Variants in WDFY3 observed in about 807,000 individuals in gnomAD.
The protein encoded by WDFY3 is WD repeat and FYVE domain containing 3.
WDFY3 carries 66 observed loss-of-function variants against 409.6 expected under a neutral mutation model. The ratio of observed to expected loss-of-function variants is 0.16; its 90% CI spans 0.13 to 0.20. The LOEUF (loss-of-function observed/expected upper bound fraction) is 0.20. Ranked by LOEUF, WDFY3 falls within the 10% of genes least tolerant of loss-of-function variation. The pLI, the probability that WDFY3 is intolerant of heterozygous loss-of-function variation, is 1.00. For missense variants in WDFY3, 3,031 were observed against 4,298.1 expected (o/e 0.71, Z 8.24); for synonymous variants, 1,521 against 1,537.1 (o/e 0.99, Z 0.25).
chr4:84,912,072 G>A (rs186127536), intron 2 of WDFY3, among the ~76,000 whole-genome samples: 1 of 152,232 alleles, frequency 6.6e-6, no homozygotes, highest in Non-Finnish European at 1.5e-5. Context: ...GTTGTATATG[G>A]CAACAAAATG....
chr4:84,692,739 T>G (rs138036400), intron 59 of WDFY3, 146 bp downstream of exon 59: 5 of 689,234 alleles, frequency 7.3e-6, no homozygotes, highest in Non-Finnish European at 1.1e-5. Context: ...TAAATACTAG[T>G]AGGTATTTAG....
intron 1 of WDFY3, among the ~76,000 whole-genome samples, chr4:84,951,835 T>C (rs987810196): frequency 1.3e-5 from 2 of 152,148 alleles, no homozygotes; most frequent in Non-Finnish European, 2.9e-5. Context: ...TGGGTGTCAA[T>C]AAGCAGGGTA....
At chr4:84,921,890 C>G (rs746436821) in intron 2 of WDFY3, among the ~76,000 whole-genome samples, 2 of 151,772 alleles carry the variant, frequency 1.3e-5, no homozygotes, top group Non-Finnish European at 2.9e-5. Context: ...CTCCTGACCT[C>G]GTGATCCACC....
intron 47 of WDFY3, among the ~76,000 whole-genome samples, chr4:84,720,448 T>C (rs1734667785): frequency 6.6e-6 from 1 of 152,154 alleles, no homozygotes; most frequent in Non-Finnish European, 1.5e-5. Context: ...ACGGTTTGCA[T>C]ATGTGTCCCC....
chr4:84,925,910 T>G (rs1427616060), intron 2 of WDFY3, among the ~76,000 whole-genome samples: 4 of 152,024 alleles, frequency 2.6e-5, no homozygotes, highest in African/African-American at 9.7e-5. Flanking sequence ...GGTGTTTGGA[T>G]GTTCACTGTA....
chr4:84,692,192 T>C (rs1729376040), intron 59 of WDFY3, among the ~76,000 whole-genome samples: 1 of 152,156 alleles, frequency 6.6e-6, no homozygotes, highest in Non-Finnish European at 1.5e-5. Context: ...GTCATGTCAT[T>C]CCCCAGAGGA....
chr4:84,838,765 C>A (rs1037081549), intron 6 of WDFY3, among the ~76,000 whole-genome samples: 1 of 152,202 alleles, frequency 6.6e-6, no homozygotes, highest in African/African-American at 2.4e-5. Context: ...TCAGTTTAAA[C>A]ATCTGCTATG....
chr4:84,763,668 T>C (rs968250785), intron 32 of WDFY3, among the ~76,000 whole-genome samples: 4 of 151,770 alleles, frequency 2.6e-5, no homozygotes, highest in Non-Finnish European at 4.4e-5. Flanking sequence ...TGAGCTGATA[T>C]GTACACTTGT....
chr4:84,942,307 C>T (rs530579123), intron 1 of WDFY3, among the ~76,000 whole-genome samples: 1 of 151,368 alleles, frequency 6.6e-6, no homozygotes, highest in Non-Finnish European at 1.5e-5. Context: ...CAGACTGGAA[C>T]CCAAAATATA....
intron 15 of WDFY3, among the ~76,000 whole-genome samples, chr4:84,804,956 C>T (rs1055025011): frequency 2.0e-5 from 3 of 152,034 alleles, no homozygotes; most frequent in African/African-American, 7.3e-5. Context: ...GTTGAGTACC[C>T]CTAATCCAAA....
Position 84,918,828 on chromosome 4 carries a change from G to GATATAT in WDFY3, c.-132+13436_-132+13441dup, listed in dbSNP as rs139610468. On this transcript the variant is annotated intron_variant, in intron 2 of 67. Coordinates refer to ENST00000295888, the MANE Select transcript of WDFY3 (RefSeq NM_014991.6). ...TTGTGTGTGTGTGTATATATATATAGATATATATATACACACACACACATA... is the reference window on the plus strand; with the variant it reads ...TTGTGTGTGTGTGTATATATATATAGATATATATATATATATACACACACACACATA... 6.4e-4 allele frequency among the ~76,000 whole-genome samples: 93 copies of GATATAT among 145,556 alleles called. 3 individuals are homozygous for GATATAT. The South Asian group carries it at 0.013, about 21-fold the overall frequency.
At chr4:84,829,847 A>AAATAAATAAATAAATTAATT (rs567618032) in intron 8 of WDFY3, among the ~76,000 whole-genome samples, 2 of 150,530 alleles carry the variant, frequency 1.3e-5, no homozygotes, top group East Asian at 3.9e-4. Context: ...ATAAATAAAT[A>AAATAAATAAATAAATTAATT]AATTAGAGAG....
rs765525405 is a variant in WDFY3, at chr4:84,778,530, A to G, written c.4491T>C (p.Ala1497=). 6.2e-7 allele frequency: 1 copy of G among 1,606,696 alleles called. No homozygotes were observed. The highest frequency in any genetic ancestry group is 2.2e-5 in the East Asian group (1 of 44,690). ...CAAAATCACAGAGGAGGTCCTGGAA[A>G]GCAGTTGAATTTGGAATAATGGAGG... ...HETSIIPNST[A]FQDLLCDFEV... Residue 1497 remains alanine (A), a synonymous_variant, in exon 27 of 68, where the codon GCT becomes GCC. Transcript: ENST00000295888.
intron 32 of WDFY3, 52 bp from the exon 33 acceptor site, chr4:84,757,213 T>C (rs1741614273): frequency 2.6e-6 from 4 of 1,521,022 alleles, no homozygotes; most frequent in Non-Finnish European, 2.7e-6. Context: ...CTGATAAACA[T>C]GCTGCATTAA....
At chr4:84,788,776 T>C (rs1747966260) in intron 22 of WDFY3, among the ~76,000 whole-genome samples, 1 of 152,188 alleles carries the variant, frequency 6.6e-6, no homozygotes, top group African/African-American at 2.4e-5. Context: ...TCCCAGCATT[T>C]TGGGAGGCCG....
rs545305957 is a variant in WDFY3, at chr4:84,953,407, G to A, written c.-226+12802C>T. ...ATTGTATTCAGGATTTTTGCTAAAT[G>A]AGCAGGTCATAGCTGCTTTTGACAC... On this transcript the variant is annotated intron_variant, in intron 1 of 67. Transcript: ENST00000295888. Among the ~76,000 whole-genome samples the A allele has an allele frequency of 6.2e-4, 94 of 152,222 alleles. 1 individual carries two copies. In the South Asian group the frequency reaches 0.018, roughly 30 times the overall value.
intron 8 of WDFY3, among the ~76,000 whole-genome samples, chr4:84,831,171 A>T (rs2149924819): frequency 7.3e-6 from 1 of 137,480 alleles, no homozygotes; most frequent in Non-Finnish European, 1.6e-5. Context: ...TGGGCGACAG[A>T]GTGAGACTCC....
In WDFY3 at chr4:84,702,479, T is replaced by A. The variant is rs1731208061; in HGVS notation, c.8470A>T (p.Met2824Leu). The A allele has an allele frequency of 6.2e-7, 1 of 1,611,734 alleles. No individual in the cohort carries two copies. Among genetic ancestry groups the A allele is most frequent in the Non-Finnish European group, 8.5e-7 (1 of 1,179,278 alleles). Residue 2824 changes from methionine (M) to leucine (L), a missense_variant, in exon 56 of 68, where the codon ATG (methionine) becomes TTG (leucine). Met to Leu is a conservative substitution (Grantham distance 15, BLOSUM62 2). Around this residue, in one of 16 missense-constraint regions of WDFY3, gnomAD observed 129 missense variants for 305.3 expected, o/e 0.42. Coordinates refer to ENST00000295888, the MANE Select transcript of WDFY3 (RefSeq NM_014991.6). ...QGGHFDLADRMFHSVREAWYS... is the reference protein window; with the variant it reads ...QGGHFDLADRLFHSVREAWYS... ...CAGGCCTCGCGCACACTGTGAAACA[T>A]CCGGTCAGCCAGGTCAAAGTGGCCA... is the stretch of plus-strand genomic sequence containing the variant.
intron 16 of WDFY3, among the ~76,000 whole-genome samples, chr4:84,802,083 GA>G (rs1364214428): frequency 2.0e-5 from 3 of 151,598 alleles, no homozygotes; most frequent in African/African-American, 7.3e-5. Context: ...AAGTAACTGG[GA>G]TAACAGGCGC....
Sources: allele counts gnomAD v4.1 joint callset (sites outside exome capture counted in the v4.1 genomes callset), GRCh38; gene constraint gnomAD v4.1.1; regional missense constraint gnomAD v4.1.1; transcripts MANE v1.5; gene names NCBI Gene and HGNC (gene_info 2026-07-23, HGNC 2026-07-21).